COPS9: variants seen among roughly 807,000 people sequenced by gnomAD.
COPS9 encodes COP9 signalosome complex subunit 9.
COPS9 carries 8 observed loss-of-function variants against 7.2 expected under a neutral mutation model. The observed-to-expected ratio is 1.11, with a 90% CI of 0.65 to 2.00. The LOEUF is 2.00. Among genes scored for constraint, COPS9 ranks in the 30% most tolerant of loss-of-function variants. The pLI is 0.00. For missense variants in COPS9, 74 were observed against 77.7 expected (o/e 0.95, Z 0.18); for synonymous variants, 39 against 28.7 (o/e 1.36, Z -1.14).
At chr2:240,127,922 G>C (rs1296300282), downstream of COPS9, among the ~76,000 whole-genome samples, 1 of 151,976 alleles carries the variant, frequency 6.6e-6, no homozygotes, top group African/African-American at 2.4e-5. Flanking sequence ...AGCCATCTCT[G>C]ATGGCAGGCC....
downstream of COPS9, chr2:240,126,674 T>C: frequency 1.9e-6 from 3 of 1,614,202 alleles, no homozygotes; most frequent in Non-Finnish European, 2.5e-6. Context: ...TAGAAACTGA[T>C]ATTGTGCTGT....
At chr2:240,128,795 G>A (rs144457725), downstream of COPS9, among the ~76,000 whole-genome samples, 726 of 152,278 alleles carry the variant, frequency 4.8e-3, 5 homozygotes, top group South Asian at 0.021. Context: ...CGAGTCACAC[G>A]GAGATGAGGA....
chr2:240,129,288 A>G (rs1390039787), downstream of COPS9, among the ~76,000 whole-genome samples: 1 of 152,168 alleles, frequency 6.6e-6, no homozygotes, highest in Non-Finnish European at 1.5e-5. Context: ...CTAGCCTCCC[A>G]AACAGCTAGG....
intron 1 of COPS9, among the ~76,000 whole-genome samples, chr2:240,134,454 C>A (rs1423355622): frequency 6.6e-6 from 1 of 152,194 alleles, no homozygotes; most frequent in Non-Finnish European, 1.5e-5. Context: ...GGTTCTGGTG[C>A]CCCGCTGCTA....
At chr2:240,129,928 G>T, downstream of COPS9, 1 of 1,613,946 alleles carries the variant, frequency 6.2e-7, no homozygotes, top group Non-Finnish European at 8.5e-7. Context: ...GACACCACAG[G>T]CCGCTCTGCT....
At chr2:240,127,798 A>T (rs1226873508), downstream of COPS9, among the ~76,000 whole-genome samples, 1 of 152,136 alleles carries the variant, frequency 6.6e-6, no homozygotes, top group Non-Finnish European at 1.5e-5. Flanking sequence ...TTTACACTTA[A>T]GAAATGCCTG....
At chr2:240,135,235 C>A (rs1184589446) in intron 1 of COPS9, among the ~76,000 whole-genome samples, 6 of 152,134 alleles carry the variant, frequency 3.9e-5, no homozygotes, top group Non-Finnish European at 8.8e-5. Flanking sequence ...GGGCTCTGCT[C>A]CTGCCGGGCC....
chr2:240,126,659 G>C (rs1239725343), downstream of COPS9: 3 of 1,614,188 alleles, frequency 1.9e-6, no homozygotes, highest in South Asian at 3.3e-5. Flanking sequence ...TACCCCTCCA[G>C]TGAGTAGAAA....
chr2:240,134,155 G>A (rs2071950102), intron 1 of COPS9, 150 bp from the exon 2 acceptor site: 16 of 671,434 alleles, frequency 2.4e-5, no homozygotes, highest in Admixed American at 1.0e-4. Context: ...TCCAGACACA[G>A]GAATGTGTAT....
chr2:240,126,657 C>T (rs1334613224), downstream of COPS9: 11 of 1,614,078 alleles, frequency 6.8e-6, no homozygotes, highest in Admixed American at 3.3e-5. Flanking sequence ...TTTACCCCTC[C>T]AGTGAGTAGA....
Position 240,131,064 on chromosome 2 carries a change from T to C in COPS9, c.161A>G (p.Asp54Gly). The C allele has an allele frequency of 6.2e-7, 1 of 1,613,058 alleles. No individual in the cohort carries two copies. Among genetic ancestry groups the C allele is most frequent in the Non-Finnish European group, 8.5e-7 (1 of 1,179,720 alleles). Residue 54 changes from aspartate to glycine, a missense_variant, in exon 3 of 3, where the codon GAT becomes GGT. Coordinates refer to ENST00000607357, the MANE Select transcript of COPS9 (RefSeq NM_001163424.2). Reference sequence around the variant, plus strand: ...CCAGAGGGCATCTCACTGGATGTCATCATCATCAAAAAGATCTTCAAAATC... The same window carrying C: ...CCAGAGGGCATCTCACTGGATGTCACCATCATCAAAAAGATCTTCAAAATC... ...FNDFEDLFDD[D>G]DIQ is the part of the protein sequence containing the mutation.
intron 2 of COPS9, among the ~76,000 whole-genome samples, chr2:240,131,551 G>A (rs577737936): frequency 1.3e-5 from 2 of 152,342 alleles, no homozygotes; most frequent in African/African-American, 2.4e-5. Flanking sequence ...AGAAAGCCGG[G>A]CTAGGCTGCA....
downstream of COPS9, chr2:240,130,765 C>G: frequency 7.6e-7 from 1 of 1,324,118 alleles, no homozygotes; most frequent in Non-Finnish European, 9.6e-7. Context: ...CACACAAACA[C>G]ACAGAGACGT....
At chr2:240,129,946 C>T (rs1240122442), downstream of COPS9, 2 of 1,613,930 alleles carry the variant, frequency 1.2e-6, no homozygotes, top group African/African-American at 2.7e-5. Flanking sequence ...GCTGCCTTCC[C>T]ACGGACCCCG....
rs536960791 is a variant in COPS9, at chr2:240,132,360, G to C, written c.137-1272C>G. 2.6e-5 allele frequency among the ~76,000 whole-genome samples: 4 copies of C among 152,306 alleles called. No homozygotes were observed. Among genetic ancestry groups the C allele is most frequent in the Admixed American group, 2.6e-4 (4 of 15,308 alleles). On this transcript the variant is annotated intron_variant, in intron 2 of 2. Coordinates refer to ENST00000607357, the MANE Select transcript of COPS9 (RefSeq NM_001163424.2). The surrounding 1 kb of genome is among the most constrained non-coding windows in gnomAD (Gnocchi z 4.1). The stretch of plus-strand genomic sequence containing the variant: ...AAAAGCCTCATCCACAGCCCACAGA[G>C]GTCTCTCAAAGTAAATGGCTTCTTG...
At chr2:240,128,202 G>A (rs2071886202), downstream of COPS9, among the ~76,000 whole-genome samples, 1 of 152,184 alleles carries the variant, frequency 6.6e-6, no homozygotes, top group South Asian at 2.1e-4. Context: ...ACCCTGGGAG[G>A]CGTGTTACCA....
intron 2 of COPS9, among the ~76,000 whole-genome samples, chr2:240,131,806 A>G (rs895849290): frequency 2.6e-5 from 4 of 152,196 alleles, no homozygotes; most frequent in Admixed American, 1.3e-4. Flanking sequence ...GCCCACCCAC[A>G]TGTACTGCGC....
chr2:240,134,128 G>C lies in COPS9; in HGVS notation c.64-123C>G, dbSNP rs536802486. 4 of 827,396 alleles carry C rather than the reference G, an allele frequency of 4.8e-6. No individual in the cohort carries two copies. The African/African-American group carries it at 5.1e-5, about 11-fold the overall frequency. The allele number at this position is 827,396 out of a possible 1,614,324, so 51.3% of individuals were successfully genotyped here. A position where few individuals can be genotyped will look rare whatever the true frequency, so the allele number is the denominator to read the frequency against. Reference sequence around the variant, plus strand: ...GGGTGAGGGGAAACAGGCTCAAGTTGGAGTCAACATTTTAGTTCCAGACAC... The same window carrying C: ...GGGTGAGGGGAAACAGGCTCAAGTTCGAGTCAACATTTTAGTTCCAGACAC... On this transcript the variant is annotated intron_variant, in intron 1 of 2. Coordinates refer to ENST00000607357, the MANE Select transcript of COPS9 (RefSeq NM_001163424.2).
chr2:240,134,230 ATTCCTGTCTGCC>A, intron 1 of COPS9: 3 of 525,198 alleles, frequency 5.7e-6, no homozygotes, highest in Non-Finnish European at 6.7e-6. Flanking sequence ...CTGTTCCTTG[ATTCCTGTCTGCC>A]TTTAAAAAAG....
Sources: gnomAD v4.1 joint callset for allele counts (sites outside exome capture counted in the v4.1 genomes callset) on GRCh38, gnomAD v4.1.1 for gene constraint, Gnocchi (gnomAD v3.1) non-coding constraint, MANE v1.5 for transcripts, NCBI Gene and HGNC (gene_info 2026-07-23, HGNC 2026-07-21) for gene names.